Variants in ATP8B4 observed in about 807,000 individuals in gnomAD.
ATP8B4 encodes the protein ATPase phospholipid transporting 8B4 (putative).
A neutral mutation model predicts 145.6 loss-of-function variants in ATP8B4; 133 were observed. The ratio of observed to expected loss-of-function variants is 0.91; its 90% CI spans 0.79 to 1.05. The LOEUF is 1.05. Ranked by LOEUF, ATP8B4 falls within the 50% of genes least tolerant of loss-of-function variation. The pLI is 0.00. For synonymous variants in ATP8B4, 507 were observed against 492.9 expected (o/e 1.03, Z -0.38); for missense variants, 1,458 against 1,425.2 (o/e 1.02, Z -0.37).
chr15:49,996,239 C>CTGAA (rs2047414218), intron 9 of ATP8B4, among the ~76,000 whole-genome samples: 1 of 152,096 alleles, frequency 6.6e-6, no homozygotes, highest in Admixed American at 6.6e-5. Flanking sequence ...GTGCAAGGTA[C>CTGAA]TGAAATACAT....
chr15:50,000,159 T>C (rs191697551), intron 8 of ATP8B4, among the ~76,000 whole-genome samples: 63 of 152,316 alleles, frequency 4.1e-4, no homozygotes, highest in African/African-American at 1.2e-3. Flanking sequence ...ACCATAAACA[T>C]TCATGTACAG....
chr15:49,992,846 A>C (rs2047143103), intron 9 of ATP8B4, among the ~76,000 whole-genome samples: 1 of 151,802 alleles, frequency 6.6e-6, no homozygotes, highest in South Asian at 2.1e-4. Flanking sequence ...TGTGCCTCCC[A>C]TATCTTCTCA....
At chr15:50,178,608 C>T (rs943624416) in intron 1 of ATP8B4, among the ~76,000 whole-genome samples, 5 of 152,176 alleles carry the variant, frequency 3.3e-5, no homozygotes, top group African/African-American at 1.2e-4. Context: ...AGTGATCCTC[C>T]TGCCTCAGTC....
At chr15:49,975,462 C>T (rs529110529) in intron 12 of ATP8B4, among the ~76,000 whole-genome samples, 2 of 152,154 alleles carry the variant, frequency 1.3e-5, no homozygotes, top group East Asian at 1.9e-4. Flanking sequence ...AATGTAAATG[C>T]TATGTAAATA....
At chr15:49,917,066 T>C (rs1362570495) in intron 19 of ATP8B4, 27 bp from the exon 20 acceptor site, 1 of 1,601,576 alleles carries the variant, frequency 6.2e-7, no homozygotes, top group Non-Finnish European at 8.6e-7. Context: ...CCCAATTCAG[T>C]TAAAATGTTA....
intron 5 of ATP8B4, 76 bp from the exon 6 acceptor site, chr15:50,038,905 T>A: frequency 7.9e-7 from 1 of 1,271,680 alleles, no homozygotes; most frequent in East Asian, 2.3e-5. Context: ...CTGGCAATAC[T>A]TTGAGTTCAT....
In ATP8B4 at chr15:49,897,403, T is replaced by C; in HGVS notation, c.2586A>G (p.Gly862=). Residue 862 remains glycine, a synonymous_variant, in exon 23 of 28, where the codon GGA becomes GGG. Coordinates refer to ENST00000284509, the MANE Select transcript of ATP8B4 (RefSeq NM_024837.4). Reference sequence around the variant, plus strand: ...TGCACATTCGGAAATAAGACCACCTTCCATGAACAAGGAGAAGCCTTTGGA... The same window carrying C: ...TGCACATTCGGAAATAAGACCACCTCCCATGAACAAGGAGAAGCCTTTGGA... ...RYLQRLLLVH[G]RWSYFRMCKF... The C allele has an allele frequency of 6.2e-7, 1 of 1,613,904 alleles. No individual in the cohort carries two copies. The highest frequency in any genetic ancestry group is 8.5e-7 in the Non-Finnish European group (1 of 1,179,834).
chr15:50,134,757 A>G (rs1595634215), intron 1 of ATP8B4, among the ~76,000 whole-genome samples: 1 of 152,356 alleles, frequency 6.6e-6, no homozygotes, highest in East Asian at 1.9e-4. Flanking sequence ...AGGGGAAGGA[A>G]GAGGTAAAAT....
intron 3 of ATP8B4, among the ~76,000 whole-genome samples, chr15:50,055,925 C>A (rs978977298): frequency 1.3e-5 from 2 of 152,150 alleles, no homozygotes; most frequent in Admixed American, 6.5e-5. Flanking sequence ...CCAGGAAGAA[C>A]CCCTGGTAGT....
At chr15:50,163,033 C>A (rs1396457432) in intron 1 of ATP8B4, among the ~76,000 whole-genome samples, 3 of 152,152 alleles carry the variant, frequency 2.0e-5, no homozygotes, top group Non-Finnish European at 4.4e-5. Context: ...CCTGTGTTAT[C>A]TTGAATTCCA....
At chr15:50,113,409 C>A (rs986781729) in intron 1 of ATP8B4, 1 of 152,138 alleles carries the variant, frequency 6.6e-6, no homozygotes, top group African/African-American at 2.4e-5. Flanking sequence ...AAAGATAATT[C>A]TATTTGGTAT....
chr15:49,937,512 G>A (rs1445249906), intron 14 of ATP8B4, among the ~76,000 whole-genome samples: 2 of 152,122 alleles, frequency 1.3e-5, no homozygotes, highest in Admixed American at 6.6e-5. Flanking sequence ...GGCAAACTCC[G>A]TGTTTTCATT....
chr15:49,922,063 C>T (rs374359250), intron 17 of ATP8B4, among the ~76,000 whole-genome samples: 4 of 152,158 alleles, frequency 2.6e-5, no homozygotes, highest in East Asian at 1.9e-4. Flanking sequence ...TTAATTAGTA[C>T]ATGAAACACA....
At chr15:50,069,312 T>C (rs560775346) in intron 3 of ATP8B4, among the ~76,000 whole-genome samples, 1 of 152,356 alleles carries the variant, frequency 6.6e-6, no homozygotes, top group African/African-American at 2.4e-5. Flanking sequence ...CCTTTATTTC[T>C]CAAAAGTGCT....
chr15:49,877,402 GAA>G (rs2034620886), intron 24 of ATP8B4, among the ~76,000 whole-genome samples: 2 of 152,316 alleles, frequency 1.3e-5, no homozygotes, highest in African/African-American at 2.4e-5. Flanking sequence ...AGGTGGAGGA[GAA>G]GAGGCGAAAG....
chr15:49,993,679 A>G (rs2047207343), intron 9 of ATP8B4, among the ~76,000 whole-genome samples: 3 of 152,102 alleles, frequency 2.0e-5, no homozygotes, highest in Admixed American at 6.6e-5. Context: ...TTATATTTTT[A>G]CTTATTAGAA....
rs1277106852 is a variant in ATP8B4, at chr15:49,972,672, G to A, written c.1153C>T (p.Gln385Ter). ...RTTTLNEELGQIEYIFSDKTG... is the reference protein window; with the variant it reads ...RTTTLNEELG ...TTGTCGGAGAAAATGTACTCAATCT[G>A]CCCCAGTTCCTCATTGAGCGTGGTC... Residue 385 changes from glutamine (Q) to a stop codon, truncating the protein, a stop_gained, in exon 13 of 28, where the codon CAG (glutamine) becomes TAG (stop). Transcript: ENST00000284509. LOFTEE classifies it high-confidence loss of function. 6.2e-7 allele frequency: 1 copy of A among 1,613,940 alleles called. No homozygotes were observed. The highest frequency in any genetic ancestry group is 1.3e-5 in the African/African-American group (1 of 75,004).
intron 25 of ATP8B4, among the ~76,000 whole-genome samples, chr15:49,874,792 T>C (rs901148006): frequency 1.3e-5 from 2 of 152,192 alleles, no homozygotes; most frequent in Non-Finnish European, 2.9e-5. Flanking sequence ...GACTAAACAA[T>C]GTTTTTAAAA....
chr15:50,140,485 A>G (rs987967377), intron 1 of ATP8B4, among the ~76,000 whole-genome samples: 3 of 152,202 alleles, frequency 2.0e-5, no homozygotes, highest in African/African-American at 7.2e-5. Flanking sequence ...TTTTTGATTG[A>G]TTACCTCCCA....
Sources: allele counts gnomAD v4.1 joint callset (sites outside exome capture counted in the v4.1 genomes callset), GRCh38; gene constraint gnomAD v4.1.1; transcripts MANE v1.5; gene names NCBI Gene and HGNC (gene_info 2026-07-23, HGNC 2026-07-21).